The following LRP1B variants were observed in gnomAD, a reference collection of about 807,000 sequenced individuals.
LRP1B encodes LDL receptor related protein 1B.
In LRP1B, 217 loss-of-function variants were observed where a neutral mutation model predicts 556.6. That is an observed-to-expected ratio of 0.39 (90% CI 0.35 to 0.44). The LOEUF is 0.44. Among genes scored for constraint, LRP1B ranks in the 20% least tolerant of loss-of-function variants. The pLI is 1.00. For missense variants in LRP1B, 5,053 were observed against 5,620.8 expected, an observed-to-expected ratio of 0.90 and a Z score of 3.23; for synonymous variants, 2,047 against 1,865.8, an observed-to-expected ratio of 1.10 and a Z score of -2.50.
chr2:140,992,964 G>C (rs1442721836), intron 16 of LRP1B, among the ~76,000 whole-genome samples: 1 of 151,978 alleles, frequency 6.6e-6, no homozygotes, highest in Non-Finnish European at 1.5e-5. Flanking sequence ...TATAATTTAT[G>C]TGTTATGTAT....
intron 1 of LRP1B, among the ~76,000 whole-genome samples, chr2:141,911,295 T>C (rs1203816841): frequency 6.6e-6 from 1 of 152,184 alleles, no homozygotes; most frequent in African/African-American, 2.4e-5. Flanking sequence ...GTCAAAACAG[T>C]TCATTCCATT....
At chr2:142,068,030 G>A (rs1378939129) in intron 1 of LRP1B, among the ~76,000 whole-genome samples, 1 of 151,506 alleles carries the variant, frequency 6.6e-6, no homozygotes, top group African/African-American at 2.4e-5. Context: ...TAGCAGTCTA[G>A]GAGCTGGTTC....
chr2:140,414,632 T>G (rs934729676), intron 66 of LRP1B, among the ~76,000 whole-genome samples: 3 of 152,214 alleles, frequency 2.0e-5, no homozygotes, highest in African/African-American at 7.2e-5. Context: ...ATTTATCAGT[T>G]CCCAAATAAT....
At position 141,709,035 on chromosome 2, in the gene LRP1B, CT is replaced by C. The variant is rs199731843; in HGVS notation, c.205+101243del. On this transcript the variant is annotated intron_variant, in intron 2 of 90. Transcript: ENST00000389484. ...AATACATTATCCTATCAACATATAA[CT>C]TTTATAGTCTTTTAAAAAATGACCC... Among the ~76,000 whole-genome samples the C allele has an allele frequency of 8.3e-4, 127 of 152,208 alleles. 3 individuals carry two copies. In the East Asian group the frequency reaches 0.024, roughly 28 times the overall value.
At chr2:141,600,215 T>A (rs1020550086) in intron 2 of LRP1B, among the ~76,000 whole-genome samples, 2 of 152,172 alleles carry the variant, frequency 1.3e-5, no homozygotes, top group Non-Finnish European at 2.9e-5. Context: ...GCGGTCTTAC[T>A]TGTGCCTTGA....
At chr2:140,351,363 G>A (rs1390680922) in intron 76 of LRP1B, among the ~76,000 whole-genome samples, 1 of 151,840 alleles carries the variant, frequency 6.6e-6, no homozygotes, top group Non-Finnish European at 1.5e-5. Context: ...TGCATCAATT[G>A]TCAATATCCA....
In LRP1B at chr2:141,013,539, A is replaced by C. The variant is rs1697815678; in HGVS notation, c.2380+17T>G. 5.0e-6 allele frequency: 8 copies of C among 1,587,954 alleles called. No homozygotes were observed. The East Asian group carries it at 1.6e-4, about 31-fold the overall frequency. On this transcript the variant is annotated intron_variant, in intron 14 of 90. Coordinates refer to ENST00000389484, the MANE Select transcript of LRP1B (RefSeq NM_018557.3). Reference sequence around the variant, plus strand: ...TATATGTGAATCTCAGAAGCATTTTAATTTGTTTTTTAATACCTTGTTGCT... The same window carrying C: ...TATATGTGAATCTCAGAAGCATTTTCATTTGTTTTTTAATACCTTGTTGCT...
chr2:140,702,298 T>A lies in LRP1B; in HGVS notation c.6151-6A>T, dbSNP rs2105429180. On this transcript the variant is annotated splice_polypyrimidine_tract_variant and splice_region_variant and intron_variant, in intron 38 of 90. Transcript: ENST00000389484. ...CACCAGTACAATTTATTTTCCTAAA[T>A]ATCGATTAAGAAGTAACGTTACAGA... 2 of 1,612,762 alleles carry A rather than the reference T, an allele frequency of 1.2e-6. No homozygotes were observed. The highest frequency in any genetic ancestry group is 1.7e-6 in the Non-Finnish European group (2 of 1,179,350).
chr2:140,692,839 A>G (rs184089095), intron 41 of LRP1B, among the ~76,000 whole-genome samples: 1 of 149,858 alleles, frequency 6.7e-6, no homozygotes, highest in African/African-American at 2.5e-5. Context: ...ATTTTTGTGT[A>G]TCATTTGTGA....
intron 7 of LRP1B, among the ~76,000 whole-genome samples, chr2:141,160,576 G>A (rs1252645055): frequency 6.6e-6 from 1 of 151,818 alleles, no homozygotes; most frequent in Non-Finnish European, 1.5e-5. Flanking sequence ...GCAATAAAAA[G>A]GAATACACCA....
chr2:141,108,452 G>A (rs9287309), intron 7 of LRP1B, among the ~76,000 whole-genome samples: 42,337 of 144,736 alleles, frequency 0.29, 6,429 homozygotes, highest in East Asian at 0.66. Context: ...AGGTTCAAGC[G>A]ATTCTCCTGC....
chr2:140,934,062 G>C (rs533995862), intron 20 of LRP1B, among the ~76,000 whole-genome samples: 1 of 151,962 alleles, frequency 6.6e-6, no homozygotes, highest in Admixed American at 6.6e-5. Context: ...CAATCTGTGA[G>C]AGAATAAAGT....
intron 1 of LRP1B, among the ~76,000 whole-genome samples, chr2:141,927,917 A>AAAAAAAAAG (rs1386852005): frequency 4.1e-5 from 6 of 145,900 alleles, no homozygotes; most frequent in Non-Finnish European, 8.9e-5. Context: ...AAAAAAAAAA[A>AAAAAAAAAG]AAAGAAAGAA....
In LRP1B at chr2:141,398,119, A is replaced by T. The variant is rs1690310433; in HGVS notation, c.343+82277T>A. Among the ~76,000 whole-genome samples the T allele has an allele frequency of 2.0e-5, 3 of 152,270 alleles. No individual in the cohort carries two copies. In the South Asian group the frequency reaches 6.2e-4, roughly 32 times the overall value. ...GTGAAATAAATTCACAAATAAACAT[A>T]TGCATCCAGAGAGAGCCCAGAGAAG... On this transcript the variant is annotated intron_variant, in intron 3 of 90. Coordinates refer to ENST00000389484, the MANE Select transcript of LRP1B (RefSeq NM_018557.3).
chr2:140,943,582 G>C (rs1212473348), intron 20 of LRP1B, among the ~76,000 whole-genome samples: 1 of 151,946 alleles, frequency 6.6e-6, no homozygotes, highest in Non-Finnish European at 1.5e-5. Context: ...TAAAACTATA[G>C]TGAAATAGAA....
intron 3 of LRP1B, among the ~76,000 whole-genome samples, chr2:141,296,756 G>GTT (rs1256222209): frequency 2.0e-5 from 3 of 152,112 alleles, no homozygotes; most frequent in Non-Finnish European, 4.4e-5. Context: ...ATATGTGCAG[G>GTT]TTTTTTACAT....
At chr2:141,153,609 A>G (rs932266059) in intron 7 of LRP1B, among the ~76,000 whole-genome samples, 4 of 137,496 alleles carry the variant, frequency 2.9e-5, no homozygotes, top group Non-Finnish European at 4.6e-5. Flanking sequence ...ATTTATATAT[A>G]ATATATTATA....
chr2:140,395,507 G>C (rs1684207842), intron 66 of LRP1B, among the ~76,000 whole-genome samples: 1 of 152,206 alleles, frequency 6.6e-6, no homozygotes, highest in South Asian at 2.1e-4. Flanking sequence ...TGTTCTTCTA[G>C]GGAAAGTGGA....
At chr2:140,550,986 C>G (rs528006573) in intron 43 of LRP1B, among the ~76,000 whole-genome samples, 5 of 152,052 alleles carry the variant, frequency 3.3e-5, no homozygotes, top group East Asian at 3.9e-4. Flanking sequence ...AAATGAGAGC[C>G]CTTTCTCTCT....
Sources: allele counts gnomAD v4.1 joint callset (sites outside exome capture counted in the v4.1 genomes callset), GRCh38; gene constraint gnomAD v4.1.1; transcripts MANE v1.5; gene names NCBI Gene and HGNC (gene_info 2026-07-23, HGNC 2026-07-21).